The following MGLL variants were observed in gnomAD, a reference collection of about 807,000 sequenced individuals.
MGLL encodes monoglyceride lipase, also known as lysophospholipase homolog.
MGLL carries 7 observed loss-of-function variants against 29.1 expected under a neutral mutation model. The observed-to-expected ratio is 0.24, with a 90% CI of 0.14 to 0.45. The LOEUF is 0.45. Among genes scored for constraint, MGLL ranks in the 20% least tolerant of loss-of-function variants. The probability of loss-of-function intolerance (pLI) is 0.99; values close to 1 mark genes in which losing one functional copy is unlikely to be tolerated. For synonymous variants in MGLL, 148 were observed against 168.3 expected, an observed-to-expected ratio of 0.88 and a Z score of 0.93; for missense variants, 356 against 413.6, an observed-to-expected ratio of 0.86 and a Z score of 1.21.
chr3:127,793,119 C>T (rs114431897), intron 2 of MGLL, among the ~76,000 whole-genome samples: 201 of 152,314 alleles, frequency 1.3e-3, no homozygotes, highest in African/African-American at 4.6e-3. Flanking sequence ...CTCCAACATG[C>T]GAACCACAGT....
chr3:127,789,522 C>A (rs1276524915), intron 2 of MGLL, among the ~76,000 whole-genome samples: 2 of 152,088 alleles, frequency 1.3e-5, no homozygotes, highest in African/African-American at 4.8e-5. Context: ...CCAGCCTGGG[C>A]AACATGGTGA....
intron 4 of MGLL, among the ~76,000 whole-genome samples, chr3:127,721,507 G>GATTT (rs2075921921): frequency 1.1e-5 from 1 of 94,816 alleles, no homozygotes; most frequent in Non-Finnish European, 2.0e-5. Context: ...TAATAGGAGG[G>GATTT]TTTTTTTTTT....
At chr3:127,701,453 A>T (rs1357977134) in intron 6 of MGLL, among the ~76,000 whole-genome samples, 1 of 152,110 alleles carries the variant, frequency 6.6e-6, no homozygotes, top group Non-Finnish European at 1.5e-5. Flanking sequence ...ACGCAGAGAT[A>T]AGTCCCATTT....
intron 3 of MGLL, among the ~76,000 whole-genome samples, chr3:127,751,134 C>T (rs2076550651): frequency 6.6e-6 from 1 of 152,100 alleles, no homozygotes; most frequent in African/African-American, 2.4e-5. Flanking sequence ...AGAAATAGCT[C>T]CCAGGAATGG....
chr3:127,708,245 C>T (rs953187631), intron 6 of MGLL, among the ~76,000 whole-genome samples: 32 of 152,232 alleles, frequency 2.1e-4, no homozygotes, highest in Non-Finnish European at 2.2e-4. Flanking sequence ...CGCAGAGCTG[C>T]GGCAGGCGAG....
At chr3:127,795,526 C>T (rs916221858) in intron 2 of MGLL, among the ~76,000 whole-genome samples, 4 of 151,958 alleles carry the variant, frequency 2.6e-5, no homozygotes, top group Non-Finnish European at 5.9e-5. Context: ...CAAACCTGCA[C>T]GTGTATCCTC....
intron 2 of MGLL, among the ~76,000 whole-genome samples, chr3:127,813,522 A>G (rs2077701166): frequency 6.6e-6 from 1 of 152,152 alleles, no homozygotes; most frequent in Non-Finnish European, 1.5e-5. Flanking sequence ...TTTGCTGGGG[A>G]GGGCTAACTT....
At chr3:127,757,759 C>T (rs1413904293) in intron 3 of MGLL, among the ~76,000 whole-genome samples, 2 of 152,164 alleles carry the variant, frequency 1.3e-5, no homozygotes, top group African/African-American at 4.8e-5. Flanking sequence ...TTGACCCCAA[C>T]CTGGGTAGAT....
chr3:127,783,112 C>T (rs1292765313), intron 2 of MGLL, among the ~76,000 whole-genome samples: 1 of 134,022 alleles, frequency 7.5e-6, no homozygotes, highest in African/African-American at 2.9e-5. Flanking sequence ...CCACTGCACT[C>T]CAGCTTGGGT....
At chr3:127,801,335 G>A (rs931810968) in intron 2 of MGLL, among the ~76,000 whole-genome samples, 2 of 136,628 alleles carry the variant, frequency 1.5e-5, no homozygotes, top group East Asian at 2.2e-4. Context: ...TGGGGGTAAC[G>A]GCCAGGCGCG....
chr3:127,742,270 T>C (rs112596888), intron 3 of MGLL, among the ~76,000 whole-genome samples: 3,488 of 152,290 alleles, frequency 0.023, 157 homozygotes, highest in African/African-American at 0.079. Context: ...TTCTTTCTAC[T>C]GTAGTACTTG....
chr3:127,692,270 G>T lies in MGLL; in HGVS notation c.870C>A (p.Asn290Lys). 6.2e-7 allele frequency: 1 copy of T among 1,614,038 alleles called. No individual in the cohort carries two copies. Among genetic ancestry groups the T allele is most frequent in the Non-Finnish European group, 8.5e-7 (1 of 1,179,900 alleles). ...ACATGTTTATTTCATGGAAGACGGA[G>T]TTGGTGACTTCAGGAAGCTCCTTGT... ...VLHKELPEVTNSVFHEINMWV... is the reference protein window; with the variant it reads ...VLHKELPEVTKSVFHEINMWV... Residue 290 changes from asparagine (N) to lysine (K), a missense_variant, in exon 8 of 8, where the codon AAC (asparagine) becomes AAA (lysine). Coordinates refer to ENST00000265052, the MANE Select transcript of MGLL (RefSeq NM_007283.7).
intron 3 of MGLL, among the ~76,000 whole-genome samples, chr3:127,746,673 G>A (rs575227516): frequency 2.0e-4 from 30 of 152,122 alleles, no homozygotes; most frequent in Non-Finnish European, 2.8e-4. Flanking sequence ...CCACTCTTCC[G>A]TCTCCCTCTG....
In MGLL at chr3:127,759,196, A is replaced by G. The variant is rs1326754668; in HGVS notation, c.262+22593T>C. On this transcript the variant is annotated intron_variant, in intron 3 of 7. Transcript: ENST00000265052. ...TGCCTCGGTCTCCCAAAGTGCTGGG[A>G]TTACAGGCGTGAGCCACTGCGCCCG... Among the ~76,000 whole-genome samples, 3 of 152,270 alleles carry G rather than the reference A, an allele frequency of 2.0e-5. No individual in the cohort carries two copies. The East Asian group carries it at 5.8e-4, about 29-fold the overall frequency.
chr3:127,723,753 T>A (rs888747625), intron 3 of MGLL, among the ~76,000 whole-genome samples: 1 of 152,236 alleles, frequency 6.6e-6, no homozygotes, highest in African/African-American at 2.4e-5. Context: ...GCATCAACAT[T>A]ATTGTGCAAC....
At chr3:127,729,787 C>T (rs977472901) in intron 3 of MGLL, among the ~76,000 whole-genome samples, 14 of 152,168 alleles carry the variant, frequency 9.2e-5, no homozygotes, top group African/African-American at 1.9e-4. Context: ...ATTATAGGAG[C>T]CTGCCCTTGA....
intron 3 of MGLL, among the ~76,000 whole-genome samples, chr3:127,727,709 A>G (rs2076072702): frequency 1.3e-5 from 2 of 150,742 alleles, no homozygotes; most frequent in South Asian, 4.2e-4. Context: ...AAGGCTAAAA[A>G]AAAAAAAAAA....
At chr3:127,806,015 G>A (rs1253687014) in intron 2 of MGLL, among the ~76,000 whole-genome samples, 2 of 152,266 alleles carry the variant, frequency 1.3e-5, no homozygotes, top group Admixed American at 6.5e-5. Flanking sequence ...GAGATCAGCA[G>A]GCTGTCTCCC....
chr3:127,706,316 T>C (rs547613581), intron 6 of MGLL, among the ~76,000 whole-genome samples: 1 of 152,250 alleles, frequency 6.6e-6, no homozygotes, highest in African/African-American at 2.4e-5. Context: ...AGAAGCTCAG[T>C]TGGGCCTGCT....
Sources: gnomAD v4.1 joint callset for allele counts (sites outside exome capture counted in the v4.1 genomes callset) on GRCh38, gnomAD v4.1.1 for gene constraint, MANE v1.5 for transcripts, NCBI Gene and HGNC (gene_info 2026-07-23, HGNC 2026-07-21) for gene names.